Variants in SMTN observed in about 807,000 individuals in gnomAD.
The protein encoded by SMTN is smoothelin.
In SMTN, 58 loss-of-function variants were observed where a neutral mutation model predicts 102.0. The ratio of observed to expected loss-of-function variants is 0.57; its 90% CI spans 0.46 to 0.71. The LOEUF is 0.71. SMTN is among the 30% of genes least tolerant of loss of function. The pLI is 0.00. For missense variants in SMTN, 1,185 were observed against 1,241.7 expected (o/e 0.95, Z 0.69); for synonymous variants, 478 against 497.9 (o/e 0.96, Z 0.53).
intron 17 of SMTN, 106 bp from the exon 18 acceptor site, chr22:31,098,956 C>T: frequency 6.5e-7 from 1 of 1,538,008 alleles, no homozygotes; most frequent in Non-Finnish European, 8.9e-7. Context: ...ATCTGTGGTG[C>T]AAAGGCCCGA....
intron 1 of SMTN, among the ~76,000 whole-genome samples, chr22:31,071,109 G>A (rs1394742110): frequency 6.6e-6 from 1 of 151,410 alleles, no homozygotes; most frequent in Non-Finnish European, 1.5e-5. Context: ...ACATGGTGGT[G>A]TGTGCCTGTA....
At chr22:31,099,211 C>A in intron 18 of SMTN, 32 bp downstream of exon 18, 2 of 1,413,770 alleles carry the variant, frequency 1.4e-6, no homozygotes, top group Non-Finnish European at 2.0e-6. Flanking sequence ...GGCCTGGAGG[C>A]CTCCCCAGAC....
In SMTN at chr22:31,088,749, C is replaced by T; in HGVS notation, c.345C>T (p.Ile115=). Residue 115 remains isoleucine (I), a synonymous_variant, in exon 5 of 21, where the codon ATC becomes ATT. Coordinates refer to ENST00000333137, the MANE Select transcript of SMTN (RefSeq NM_134269.3). Reference sequence around the variant, plus strand: ...AGCGCAAGCTGATCCGAGCTGCCATCCGCCGTGTACGGGCTCAGGAGATTG... The same window carrying T: ...AGCGCAAGCTGATCCGAGCTGCCATTCGCCGTGTACGGGCTCAGGAGATTG... ...YEERKLIRAA[I]RRVRAQEIEA... The T allele has an allele frequency of 4.3e-6, 7 of 1,613,184 alleles. No individual in the cohort carries two copies. Among genetic ancestry groups the T allele is most frequent in the Non-Finnish European group, 5.9e-6 (7 of 1,179,580 alleles).
intron 3 of SMTN, 21 bp downstream of exon 3, chr22:31,088,134 C>T (rs975671908): frequency 1.3e-6 from 2 of 1,574,710 alleles, no homozygotes; most frequent in African/African-American, 1.3e-5. Context: ...GGGGGTGGAA[C>T]ATGCGGGTGA....
intron 1 of SMTN, chr22:31,067,227 C>T (rs2041871655): frequency 6.6e-6 from 1 of 151,648 alleles, no homozygotes; most frequent in Non-Finnish European, 1.5e-5. Context: ...CAGGCACACA[C>T]CACCATGACC....
intron 8 of SMTN, 79 bp downstream of exon 8, chr22:31,090,259 C>A: frequency 1.7e-6 from 2 of 1,211,040 alleles, no homozygotes; most frequent in Non-Finnish European, 2.3e-6. Context: ...AGAAAATGGG[C>A]TCTTGTGCCT....
At chr22:31,099,626 G>A in intron 18 of SMTN, 119 bp from the exon 19 acceptor site, 2 of 1,055,774 alleles carry the variant, frequency 1.9e-6, no homozygotes, top group Non-Finnish European at 1.4e-6. Flanking sequence ...CACTCATTGT[G>A]CAAGCTACGG....
At chr22:31,078,762 C>G (rs1197184072), upstream of SMTN, among the ~76,000 whole-genome samples, 1 of 152,130 alleles carries the variant, frequency 6.6e-6, no homozygotes, top group African/African-American at 2.4e-5. Flanking sequence ...GCCTGTAGTC[C>G]TAGCCTCTTG....
At chr22:31,093,131 A>G (rs2043257561) in intron 11 of SMTN, among the ~76,000 whole-genome samples, 2 of 152,210 alleles carry the variant, frequency 1.3e-5, no homozygotes, top group South Asian at 2.1e-4. Flanking sequence ...CCCCGATCTC[A>G]GTGATCTTCA....
chr22:31,095,394 G>A lies in SMTN; in HGVS notation c.1724G>A (p.Arg575Gln), dbSNP rs544887409. The change falls in exon 12 of 21, where the codon CGG becomes CAG. Residue 575 changes from arginine to glutamine, a missense_variant. Physicochemically the swap from Arg to Gln is conservative, Grantham distance 43. This residue lies in a region of SMTN where 1,096 missense variants were observed against 1,112.7 expected (regional missense o/e 0.98). Coordinates refer to ENST00000333137, the MANE Select transcript of SMTN (RefSeq NM_134269.3). The surrounding 1 kb of genome is among the most constrained non-coding windows in gnomAD (Gnocchi z 4.1). ...CGAGTGAACAAAGCACCAGAAGGGC[G>A]GAGCCCTCTGAGCGCTGAGGAGCTG... ...QTRVNKAPEG[R>Q]SPLSAEELMT... 7.9e-5 allele frequency: 128 copies of A among 1,614,234 alleles called. No homozygotes were observed. Among genetic ancestry groups the A allele is most frequent in the East Asian group, 1.1e-4 (5 of 44,888 alleles).
intron 15 of SMTN, 69 bp from the exon 16 acceptor site, chr22:31,097,200 C>T: frequency 2.0e-6 from 3 of 1,534,124 alleles, no homozygotes; most frequent in Non-Finnish European, 1.8e-6. Flanking sequence ...CCCCTCCATA[C>T]AGCCTCCCAT....
In SMTN at chr22:31,083,243, G is replaced by A. The variant is rs1569239844; in HGVS notation, c.-16G>A. 2.5e-6 allele frequency: 4 copies of A among 1,598,360 alleles called. No individual in the cohort carries two copies. Among genetic ancestry groups the A allele is most frequent in the African/African-American group, 2.7e-5 (2 of 74,886 alleles). On this transcript the variant is annotated 5_prime_UTR_variant, in exon 2 of 21. Coordinates refer to ENST00000333137, the MANE Select transcript of SMTN (RefSeq NM_134269.3). ...ATCTCACCAGAAAGGAACCGACGGA[G>A]CTAGGGGCCAGCGAGATGGCGGACG...
chr22:31,097,945 A>G (rs943227182), intron 16 of SMTN, among the ~76,000 whole-genome samples: 4 of 152,076 alleles, frequency 2.6e-5, no homozygotes, highest in African/African-American at 9.7e-5. Context: ...AGCATTGAAC[A>G]CTTACAGAGG....
At chr22:31,077,395 C>CAAA (rs58101070), upstream of SMTN, among the ~76,000 whole-genome samples, 16 of 148,436 alleles carry the variant, frequency 1.1e-4, no homozygotes, top group Non-Finnish European at 2.2e-4. Flanking sequence ...CAAAACAAAA[C>CAAA]AAAAAAAAAA....
At chr22:31,083,452 T>G in intron 2 of SMTN, 143 bp downstream of exon 2, 1 of 1,022,258 alleles carries the variant, frequency 9.8e-7, no homozygotes, top group Admixed American at 2.9e-5. Flanking sequence ...GGTAGGCCAG[T>G]TCCATGTGGC....
chr22:31,074,055 G>A (rs2042071169), intron 1 of SMTN, among the ~76,000 whole-genome samples: 1 of 152,216 alleles, frequency 6.6e-6, no homozygotes, highest in African/African-American at 2.4e-5. Flanking sequence ...GCTTCGAACT[G>A]GCAATGCCAC....
intron 10 of SMTN, 75 bp downstream of exon 10, chr22:31,091,557 C>T (rs1362159300): frequency 7.3e-6 from 11 of 1,505,886 alleles, no homozygotes; most frequent in South Asian, 4.0e-5. Flanking sequence ...ACAGGTGCTG[C>T]GGCCAGGACT....
Position 31,095,615 on chromosome 22 carries a change from G to A in SMTN, c.1861+6G>A, listed in dbSNP as rs1602656206. On this transcript the variant is annotated splice_donor_region_variant and intron_variant, in intron 13 of 20. Coordinates refer to ENST00000333137, the MANE Select transcript of SMTN (RefSeq NM_134269.3). This position sits in a 1 kb window ranked among gnomAD's most constrained non-coding sequence, Gnocchi z 4.1. ...GCTCCGACAAAGGAAGAGAGGTAGAGAGCCAGTTGCCCTACCCTAGATCCA... is the reference window on the plus strand; with the variant it reads ...GCTCCGACAAAGGAAGAGAGGTAGAAAGCCAGTTGCCCTACCCTAGATCCA... The A allele has an allele frequency of 6.2e-7, 1 of 1,610,042 alleles. No individual in the cohort carries two copies. The highest frequency in any genetic ancestry group is 1.3e-5 in the African/African-American group (1 of 74,888).
rs750819315 is a variant in SMTN, at chr22:31,095,576, G to T, written c.1828G>T (p.Ala610Ser). 3 of 1,613,922 alleles carry T rather than the reference G, an allele frequency of 1.9e-6. No individual in the cohort carries two copies. The change falls in exon 13 of 21, where the codon GCT (alanine) becomes TCT (serine). Residue 610 changes from alanine to serine, a missense_variant. Physicochemically the swap from Ala to Ser is moderately conservative, Grantham distance 99 (BLOSUM62 1). Around this residue, in one of 2 missense-constraint regions of SMTN, gnomAD observed 1,096 missense variants for 1,112.7 expected, o/e 0.98. Coordinates refer to ENST00000333137, the MANE Select transcript of SMTN (RefSeq NM_134269.3). The surrounding 1 kb of genome is among the most constrained non-coding windows in gnomAD (Gnocchi z 4.1). ...TDFEERKLIR[A>S]ALRELRQRKR... ...CTTTGAAGAGCGGAAGCTCATCCGGGCTGCACTTCGTGAGCTCCGACAAAG... is the reference window on the plus strand; with the variant it reads ...CTTTGAAGAGCGGAAGCTCATCCGGTCTGCACTTCGTGAGCTCCGACAAAG...
Sources: allele counts gnomAD v4.1 joint callset (sites outside exome capture counted in the v4.1 genomes callset), GRCh38; gene constraint gnomAD v4.1.1; regional missense constraint gnomAD v4.1.1; non-coding constraint Gnocchi (gnomAD v3.1); transcripts MANE v1.5; gene names NCBI Gene and HGNC (gene_info 2026-07-23, HGNC 2026-07-21).